The following DAAM1 variants were observed in gnomAD, a reference collection of about 807,000 sequenced individuals.
DAAM1 encodes the protein disheveled-associated activator of morphogenesis 1.
Under a neutral mutation model 130.0 loss-of-function variants are expected in DAAM1, and 52 were observed. The observed-to-expected ratio is 0.40, with a 90% CI of 0.32 to 0.50. The LOEUF is 0.50. Ranked by LOEUF, DAAM1 falls within the 20% of genes least tolerant of loss-of-function variation. DAAM1 has a pLI of 0.61. For missense variants in DAAM1, 1,134 were observed against 1,303.8 expected (o/e 0.87, Z 2.01); for synonymous variants, 452 against 444.5 (o/e 1.02, Z -0.21).
chr14:59,262,542 A>G (rs1882215442), intron 1 of DAAM1, among the ~76,000 whole-genome samples: 1 of 152,170 alleles, frequency 6.6e-6, no homozygotes, highest in African/African-American at 2.4e-5. Context: ...TCATATATTT[A>G]TAAATACATA....
intron 1 of DAAM1, among the ~76,000 whole-genome samples, chr14:59,207,838 C>A (rs1888309956): frequency 6.6e-6 from 1 of 152,152 alleles, no homozygotes; most frequent in South Asian, 2.1e-4. Context: ...CTCTTTTGCC[C>A]ACTTCTAAAT....
At chr14:59,285,575 A>G (rs1342676337) in intron 2 of DAAM1, among the ~76,000 whole-genome samples, 1 of 152,152 alleles carries the variant, frequency 6.6e-6, no homozygotes, top group African/African-American at 2.4e-5. Context: ...GCTCAAAGTA[A>G]AAGAAGTGTC....
chr14:59,332,153 T>G (rs1009127665), intron 15 of DAAM1, among the ~76,000 whole-genome samples: 1 of 152,210 alleles, frequency 6.6e-6, no homozygotes, highest in Admixed American at 6.5e-5. Context: ...TCTAAGACCT[T>G]GTCTCTATTG....
intron 2 of DAAM1, among the ~76,000 whole-genome samples, chr14:59,287,138 A>C (rs1348535684): frequency 6.6e-6 from 1 of 152,244 alleles, no homozygotes; most frequent in Non-Finnish European, 1.5e-5. Flanking sequence ...AACATATGCC[A>C]ATCAATAAAC....
At chr14:59,284,379 T>G (rs1226135796) in intron 2 of DAAM1, among the ~76,000 whole-genome samples, 2 of 152,178 alleles carry the variant, frequency 1.3e-5, no homozygotes, top group African/African-American at 4.8e-5. Flanking sequence ...ATGAGTATTA[T>G]AGAACTGCAG....
At chr14:59,239,553 T>C (rs1466823192) in intron 1 of DAAM1, among the ~76,000 whole-genome samples, 2 of 152,182 alleles carry the variant, frequency 1.3e-5, no homozygotes, top group African/African-American at 2.4e-5. Flanking sequence ...TGTGCCCTTT[T>C]TCTTTGACAA....
intron 3 of DAAM1, among the ~76,000 whole-genome samples, chr14:59,314,673 A>G (rs1941257851): frequency 1.3e-5 from 2 of 152,118 alleles, no homozygotes; most frequent in South Asian, 4.1e-4. Context: ...TACCTTTTCT[A>G]TCAAAACTCC....
At position 59,326,037 on chromosome 14, in the gene DAAM1, G is replaced by A. The variant is rs61755642; in HGVS notation, c.1134G>A (p.Pro378=). The change falls in exon 10 of 25, where the codon CCG becomes CCA. Residue 378 remains proline, a synonymous_variant. Transcript: ENST00000360909. ...GGCTGACACATAGTGAAGCTTACCCGCATTTCATGTCCATCCTGCACCACT... is the reference window on the plus strand; with the variant it reads ...GGCTGACACATAGTGAAGCTTACCCACATTTCATGTCCATCCTGCACCACT... The part of the protein sequence containing the change: ...RKRLTHSEAY[P]HFMSILHHCL... 6.2e-3 allele frequency: 9,995 copies of A among 1,614,170 alleles called. 41 individuals carry two copies. Among genetic ancestry groups the A allele is most frequent in the Non-Finnish European group, 7.4e-3 (8,715 of 1,180,010 alleles).
intron 1 of DAAM1, among the ~76,000 whole-genome samples, chr14:59,219,888 C>T (rs1164035305): frequency 6.6e-6 from 1 of 152,176 alleles, no homozygotes; most frequent in East Asian, 1.9e-4. Context: ...TGCCTTTATT[C>T]ATTCTTAGCT....
rs772243719 is a variant in DAAM1, at chr14:59,370,013, A to T, written c.*1154A>T. 1 of 151,934 alleles carries T rather than the reference A, an allele frequency of 6.6e-6. No individual in the cohort carries two copies. The highest frequency in any genetic ancestry group is 1.5e-5 in the Non-Finnish European group (1 of 67,936). 9.4% of individuals were successfully genotyped at this position (151,934 alleles called of 1,614,324 possible). ...ACCTGTAAAATTTCAGTCCAAAAAA[A>T]TAAAGCTCTCAGGGAGACATGAATA... On this transcript the variant is annotated 3_prime_UTR_variant, in exon 25 of 25. Coordinates refer to ENST00000360909, the MANE Select transcript of DAAM1 (RefSeq NM_001270520.2).
chr14:59,257,482 C>T lies in DAAM1; in HGVS notation c.-37-5959C>T, dbSNP rs573431485. On this transcript the variant is annotated intron_variant, in intron 1 of 24. Transcript: ENST00000360909. The stretch of plus-strand genomic sequence containing the variant: ...GGCCTACAAAGCAGCAGTATTTGAG[C>T]AGAATCTTGAATGGTGAGTGGAAGA... 6.6e-5 allele frequency among the ~76,000 whole-genome samples: 9 copies of T among 137,338 alleles called. No individual in the cohort carries two copies. The East Asian group carries it at 2.0e-3, about 31-fold the overall frequency. 90.1% of individuals were successfully genotyped at this position (137,338 alleles called of 152,430 possible).
rs77061217 is a variant in DAAM1 at position 59,250,565 on chromosome 14, A to G, written c.-37-12876A>G. ...TTAGAGTTTTAATGGGGTTATTGAG[A>G]AGGCTTGCAAACATCCTTTTTTCAG... On this transcript the variant is annotated intron_variant, in intron 1 of 24. Transcript: ENST00000360909. 5.9e-3 allele frequency among the ~76,000 whole-genome samples: 906 copies of G among 152,314 alleles called. 13 individuals carry two copies. The highest frequency in any genetic ancestry group is 0.021 in the African/African-American group (876 of 41,574).
intron 3 of DAAM1, among the ~76,000 whole-genome samples, chr14:59,297,638 T>C (rs1176752340): frequency 6.6e-6 from 1 of 152,194 alleles, no homozygotes; most frequent in African/African-American, 2.4e-5. Context: ...GTTTCACTTA[T>C]CTGCAGTCAA....
chr14:59,246,874 G>A (rs1039138690), intron 1 of DAAM1, among the ~76,000 whole-genome samples: 6 of 152,084 alleles, frequency 3.9e-5, no homozygotes, highest in Non-Finnish European at 7.4e-5. Context: ...GTCTAGTCAA[G>A]TCCTTTGCTC....
chr14:59,310,214 A>G (rs543652707), intron 3 of DAAM1, among the ~76,000 whole-genome samples: 1 of 151,312 alleles, frequency 6.6e-6, no homozygotes, highest in South Asian at 2.1e-4. Flanking sequence ...GGTTCAAGCG[A>G]TTCTCACGCC....
intron 3 of DAAM1, among the ~76,000 whole-genome samples, chr14:59,298,037 A>T (rs1269885753): frequency 6.6e-6 from 1 of 152,198 alleles, no homozygotes; most frequent in African/African-American, 2.4e-5. Flanking sequence ...TCCAAATTTT[A>T]TGAAGCATGT....
chr14:59,233,928 A>G (rs1461185622), intron 1 of DAAM1, among the ~76,000 whole-genome samples: 1 of 152,152 alleles, frequency 6.6e-6, no homozygotes, highest in Admixed American at 6.5e-5. Context: ...TTTGTCGAAG[A>G]TCAGATGGTT....
chr14:59,233,713 G>A (rs1372768555), intron 1 of DAAM1, among the ~76,000 whole-genome samples: 1 of 152,132 alleles, frequency 6.6e-6, no homozygotes, highest in African/African-American at 2.4e-5. Context: ...CTTTGCTCAT[G>A]TCCATGTCCT....
intron 2 of DAAM1, among the ~76,000 whole-genome samples, chr14:59,281,448 C>T (rs1883215932): frequency 6.6e-6 from 1 of 152,042 alleles, no homozygotes; most frequent in African/African-American, 2.4e-5. Flanking sequence ...TGTATCAGAC[C>T]TTACTCTTGT....
Sources: allele counts gnomAD v4.1 joint callset (sites outside exome capture counted in the v4.1 genomes callset), GRCh38; gene constraint gnomAD v4.1.1; transcripts MANE v1.5; gene names NCBI Gene and HGNC (gene_info 2026-07-23, HGNC 2026-07-21).